The following ARHGAP15 variants were observed in gnomAD, a reference collection of about 807,000 sequenced individuals.
ARHGAP15 encodes the protein rho GTPase-activating protein 15.
ARHGAP15 carries 51 observed loss-of-function variants against 63.7 expected under a neutral mutation model. That is an observed-to-expected ratio of 0.80 (90% CI 0.64 to 1.01). The LOEUF (loss-of-function observed/expected upper bound fraction) is 1.01, where lower values mean the gene tolerates loss of function less well. Among genes scored for constraint, ARHGAP15 ranks in the 50% least tolerant of loss-of-function variants. ARHGAP15 has a pLI of 0.00. For missense variants in ARHGAP15, 560 were observed against 564.6 expected, an observed-to-expected ratio of 0.99 and a Z score of 0.08; for synonymous variants, 191 against 193.8, an observed-to-expected ratio of 0.99 and a Z score of 0.12.
At chr2:143,147,959 A>G (rs935731082) in intron 1 of ARHGAP15, among the ~76,000 whole-genome samples, 32 of 152,040 alleles carry the variant, frequency 2.1e-4, no homozygotes, top group African/African-American at 7.2e-4. Context: ...CTTTTCATCA[A>G]GTATCTTAGA....
intron 5 of ARHGAP15, chr2:143,236,530 G>A (rs1693656004): frequency 2.0e-5 from 3 of 152,170 alleles, no homozygotes; most frequent in Admixed American, 6.6e-5. Context: ...ATTGAGTATA[G>A]TGAAGAAATG....
At chr2:143,294,870 A>G (rs1457860422) in intron 6 of ARHGAP15, among the ~76,000 whole-genome samples, 1 of 152,094 alleles carries the variant, frequency 6.6e-6, no homozygotes, top group African/African-American at 2.4e-5. Flanking sequence ...GAGAGAAACC[A>G]GAAGAAAATT....
At chr2:143,442,286 C>T (rs892303960) in intron 8 of ARHGAP15, among the ~76,000 whole-genome samples, 3 of 152,096 alleles carry the variant, frequency 2.0e-5, no homozygotes, top group African/African-American at 4.8e-5. Flanking sequence ...TGTACCAAGC[C>T]ACAAAAGCAC....
chr2:143,512,279 G>A (rs73964521), intron 9 of ARHGAP15, among the ~76,000 whole-genome samples: 12,667 of 152,268 alleles, frequency 0.083, 647 homozygotes, highest in Non-Finnish European at 0.11. Context: ...AAAAGTCTCA[G>A]GATTTACTTG....
At chr2:143,146,034 G>T (rs1352098154) in intron 1 of ARHGAP15, among the ~76,000 whole-genome samples, 1 of 151,682 alleles carries the variant, frequency 6.6e-6, no homozygotes, top group Non-Finnish European at 1.5e-5. Context: ...AATAGTCTTT[G>T]TTGCCTTGAA....
rs1326027492 is a variant in ARHGAP15, at chr2:143,258,623, A to C, written c.474+8023A>C. On this transcript the variant is annotated intron_variant, in intron 6 of 13. Transcript: ENST00000295095. ...GGGGAGGAGGCTGCTCTTTTATCTTAACAAAACAGGATGTTGAGAGGTGGC... is the reference window on the plus strand; with the variant it reads ...GGGGAGGAGGCTGCTCTTTTATCTTCACAAAACAGGATGTTGAGAGGTGGC... 2.6e-5 allele frequency among the ~76,000 whole-genome samples: 4 copies of C among 152,162 alleles called. No homozygotes were observed. In the East Asian group the frequency reaches 7.7e-4, roughly 29 times the overall value.
intron 6 of ARHGAP15, among the ~76,000 whole-genome samples, chr2:143,373,621 C>G (rs1178845123): frequency 2.0e-5 from 2 of 100,076 alleles, no homozygotes; most frequent in African/African-American, 8.2e-5. Flanking sequence ...GAGAGCCAGA[C>G]TCTATCTCAA....
chr2:143,620,964 T>C (rs1698624993), intron 11 of ARHGAP15, among the ~76,000 whole-genome samples: 1 of 152,232 alleles, frequency 6.6e-6, no homozygotes, highest in African/African-American at 2.4e-5. Context: ...GTGTATCTAA[T>C]TTTCTAGTTC....
chr2:143,302,612 T>C (rs1682955479), intron 6 of ARHGAP15, among the ~76,000 whole-genome samples: 1 of 151,964 alleles, frequency 6.6e-6, no homozygotes, highest in Non-Finnish European at 1.5e-5. Flanking sequence ...CAGAAGGAGA[T>C]CAAGCATTCT....
chr2:143,548,484 A>G (rs1389503767), intron 10 of ARHGAP15, among the ~76,000 whole-genome samples: 1 of 151,916 alleles, frequency 6.6e-6, no homozygotes, highest in Non-Finnish European at 1.5e-5. Context: ...ATTTTTTAGT[A>G]TCATAGGTTC....
chr2:143,503,237 C>T (rs1693155944), intron 9 of ARHGAP15, among the ~76,000 whole-genome samples: 1 of 152,178 alleles, frequency 6.6e-6, no homozygotes, highest in Non-Finnish European at 1.5e-5. Context: ...ATGTAAAGCA[C>T]ACTTGAAATA....
At chr2:143,302,658 T>G (rs908502542) in intron 6 of ARHGAP15, among the ~76,000 whole-genome samples, 2 of 152,004 alleles carry the variant, frequency 1.3e-5, no homozygotes, top group African/African-American at 4.8e-5. Flanking sequence ...TCCCAGGTAG[T>G]GAACTATCCA....
At chr2:143,247,042 A>C (rs1030642149) in intron 5 of ARHGAP15, among the ~76,000 whole-genome samples, 2 of 152,180 alleles carry the variant, frequency 1.3e-5, no homozygotes, top group South Asian at 2.1e-4. Context: ...TCTCTTTGGA[A>C]TGACCCTCTA....
chr2:143,624,153 G>A lies in ARHGAP15; in HGVS notation c.1024G>A (p.Asp342Asn), dbSNP rs1223428561. 10 of 1,613,380 alleles carry A rather than the reference G, an allele frequency of 6.2e-6. No individual in the cohort carries two copies. The highest frequency in any genetic ancestry group is 1.1e-5 in the South Asian group (1 of 91,046). Residue 342 changes from aspartate (D) to asparagine (N), a missense_variant, in exon 12 of 14, where the codon GAC becomes AAC. Coordinates refer to ENST00000295095, the MANE Select transcript of ARHGAP15 (RefSeq NM_018460.4). ...CCCAGAAGAGAAGCTGAATTTGGACGACAGCCAGTGGGAGGACATCCACGT... is the reference window on the plus strand; with the variant it reads ...CCCAGAAGAGAAGCTGAATTTGGACAACAGCCAGTGGGAGGACATCCACGT... Reference protein sequence around the residue: ...VNQEEKLNLDDSQWEDIHVVT... With the variant: ...VNQEEKLNLDNSQWEDIHVVT...
intron 13 of ARHGAP15, among the ~76,000 whole-genome samples, chr2:143,725,295 C>T (rs755625268): frequency 1.6e-4 from 25 of 152,160 alleles, no homozygotes; most frequent in Admixed American, 1.0e-3. Flanking sequence ...ACTGCCTCTC[C>T]GAAGCCCACT....
At chr2:143,662,477 AGAAAACTG>A (rs1681875356) in intron 12 of ARHGAP15, among the ~76,000 whole-genome samples, 1 of 144,622 alleles carries the variant, frequency 6.9e-6, no homozygotes, top group South Asian at 2.3e-4. Flanking sequence ...AAAACAGAAG[AGAAAACTG>A]GAAACTCTAA....
At chr2:143,133,130 A>G (rs1688978133) in intron 1 of ARHGAP15, among the ~76,000 whole-genome samples, 1 of 152,216 alleles carries the variant, frequency 6.6e-6, no homozygotes, top group South Asian at 2.1e-4. Flanking sequence ...ATCTGATCAC[A>G]TACTTTCAGG....
intron 10 of ARHGAP15, among the ~76,000 whole-genome samples, chr2:143,542,238 G>T (rs550432966): frequency 2.6e-5 from 4 of 152,148 alleles, no homozygotes; most frequent in African/African-American, 9.7e-5. Context: ...GCACAGTATC[G>T]GGGTGGGAGT....
chr2:143,572,977 T>C (rs1350366603), intron 11 of ARHGAP15, among the ~76,000 whole-genome samples: 1 of 152,162 alleles, frequency 6.6e-6, no homozygotes, highest in Non-Finnish European at 1.5e-5. Flanking sequence ...ATTAAAAAAA[T>C]ACCTCTAGAT....
Sources: gnomAD v4.1 joint callset for allele counts (sites outside exome capture counted in the v4.1 genomes callset) on GRCh38, gnomAD v4.1.1 for gene constraint, MANE v1.5 for transcripts, NCBI Gene and HGNC (gene_info 2026-07-23, HGNC 2026-07-21) for gene names.